CEP41: variants seen among roughly 807,000 people sequenced by gnomAD.
CEP41 encodes the protein centrosomal protein 41, also known as centrosomal protein of 41 kDa.
CEP41 carries 32 observed loss-of-function variants against 44.3 expected under a neutral mutation model. The ratio of observed to expected loss-of-function variants is 0.72; its 90% CI spans 0.54 to 0.97. The LOEUF (loss-of-function observed/expected upper bound fraction) is 0.97. CEP41 is among the 50% of genes least tolerant of loss of function. The pLI is 0.00. For synonymous variants in CEP41, 151 were observed against 168.5 expected, an observed-to-expected ratio of 0.90 and a Z score of 0.80; for missense variants, 432 against 455.2, an observed-to-expected ratio of 0.95 and a Z score of 0.46.
intron 1 of CEP41, among the ~76,000 whole-genome samples, chr7:130,439,780 GCCTGGACT>G (rs1475809916): frequency 2.2e-4 from 33 of 151,994 alleles, no homozygotes; most frequent in African/African-American, 7.5e-4. Context: ...GGCAGAGAAA[GCCTGGACT>G]CCTACAGGGG....
chr7:130,427,776 T>C (rs1363246436), intron 2 of CEP41, among the ~76,000 whole-genome samples, 179 bp downstream of exon 2: 1 of 152,212 alleles, frequency 6.6e-6, no homozygotes, highest in Admixed American at 6.5e-5. Flanking sequence ...TATGTAAATA[T>C]GAATTTTTAC....
At chr7:130,432,588 CAAAA>C (rs56874452) in intron 1 of CEP41, among the ~76,000 whole-genome samples, 9 of 59,944 alleles carry the variant, frequency 1.5e-4, no homozygotes, top group South Asian at 6.7e-4. Flanking sequence ...TTTGTTTCCA[CAAAA>C]AAAAAAAAAA....
At position 130,394,502 on chromosome 7, in the gene CEP41, T is replaced by C. The variant is rs1562971165; in HGVS notation, c.*4389A>G. The C allele has an allele frequency of 2.2e-6, 1 of 454,090 alleles. No individual in the cohort carries two copies. Among genetic ancestry groups the C allele is most frequent in the South Asian group, 1.6e-5 (1 of 64,474 alleles). 28.1% of individuals were successfully genotyped at this position (454,090 alleles called of 1,614,324 possible). The stretch of plus-strand genomic sequence containing the variant: ...TTAAGATGGGGGTGGTGTGTGACCT[T>C]TGCGTGCTGAATTTGGGAGGATACT... On this transcript the variant is annotated 3_prime_UTR_variant, in exon 11 of 11. Coordinates refer to ENST00000223208, the MANE Select transcript of CEP41 (RefSeq NM_018718.3).
At chr7:130,419,608 G>T (rs1554421668) in intron 2 of CEP41, 1 of 983,778 alleles carries the variant, frequency 1.0e-6, no homozygotes, top group African/African-American at 1.8e-5. Flanking sequence ...ACACATTACT[G>T]CCAGATACAT....
chr7:130,404,048 T>G (rs756386021), intron 6 of CEP41, among the ~76,000 whole-genome samples: 5 of 152,158 alleles, frequency 3.3e-5, no homozygotes, highest in Admixed American at 6.5e-5. Context: ...ATCCTTGGAA[T>G]AAGGAGGCCC....
intron 1 of CEP41, among the ~76,000 whole-genome samples, chr7:130,432,211 T>C (rs2117694279): frequency 6.6e-6 from 1 of 152,214 alleles, no homozygotes; most frequent in African/African-American, 2.4e-5. Context: ...TGAAAATCAG[T>C]TGAAAGGCTA....
intron 1 of CEP41, among the ~76,000 whole-genome samples, chr7:130,434,648 T>C (rs868935277): frequency 6.6e-6 from 1 of 152,204 alleles, no homozygotes; most frequent in African/African-American, 2.4e-5. Flanking sequence ...TTTATCAACA[T>C]AGATGGATCT....
At chr7:130,399,280 A>G in intron 10 of CEP41, 1 of 543,640 alleles carries the variant, frequency 1.8e-6, no homozygotes, top group East Asian at 3.3e-5. Context: ...TTCCTCTCCA[A>G]CATCCCCAAC....
At chr7:130,423,160 C>G (rs1158544263) in intron 2 of CEP41, among the ~76,000 whole-genome samples, 1 of 152,122 alleles carries the variant, frequency 6.6e-6, no homozygotes, top group Non-Finnish European at 1.5e-5. Context: ...ATTGCCCAGG[C>G]TAGTCTTGAA....
intron 3 of CEP41, 119 bp from the exon 4 acceptor site, chr7:130,412,359 T>C (rs1554420002): frequency 1.5e-6 from 1 of 653,444 alleles, no homozygotes; most frequent in African/African-American, 1.8e-5. Flanking sequence ...ATTATCTCAT[T>C]TGAGCCTCAT....
chr7:130,403,101 G>GC (rs1796904746), intron 6 of CEP41, among the ~76,000 whole-genome samples: 1 of 152,174 alleles, frequency 6.6e-6, no homozygotes, highest in African/African-American at 2.4e-5. Flanking sequence ...GCTGCCTCTA[G>GC]CCACAAGGGC....
intron 1 of CEP41, among the ~76,000 whole-genome samples, chr7:130,435,785 C>T (rs1554426020): frequency 1.3e-5 from 2 of 152,108 alleles, no homozygotes. Context: ...AGAGTTATAC[C>T]CAAATGTCAT....
intron 1 of CEP41, among the ~76,000 whole-genome samples, chr7:130,436,873 C>A (rs1224705112): frequency 6.6e-6 from 1 of 151,982 alleles, no homozygotes; most frequent in Non-Finnish European, 1.5e-5. Flanking sequence ...CCCGTCTCTA[C>A]TAAAAATACA....
chr7:130,440,923 C>T lies in CEP41; in HGVS notation c.33+11G>A, dbSNP rs1554427518. The stretch of plus-strand genomic sequence containing the variant: ...CCCCCTCCGGCTCTCCGGCCGAGAC[C>T]TGGCCCTCACCTCAGGGTTCCCAAT... On this transcript the variant is annotated intron_variant, in intron 1 of 10. Coordinates refer to ENST00000223208, the MANE Select transcript of CEP41 (RefSeq NM_018718.3). 8 of 1,611,632 alleles carry T rather than the reference C, an allele frequency of 5.0e-6. No homozygotes were observed. The highest frequency in any genetic ancestry group is 1.7e-5 in the Admixed American group (1 of 60,036).
chr7:130,421,133 G>C (rs185017913), intron 2 of CEP41: 1 of 985,312 alleles, frequency 1.0e-6, no homozygotes, highest in African/African-American at 1.7e-5. Flanking sequence ...TATAGCAACA[G>C]TGCTGTGCAA....
At chr7:130,428,914 A>AAAAAAAATAAATAAAT (rs1554424415) in intron 1 of CEP41, among the ~76,000 whole-genome samples, 1 of 150,536 alleles carries the variant, frequency 6.6e-6, no homozygotes, top group African/African-American at 2.4e-5. Flanking sequence ...CTGTCTCAAA[A>AAAAAAAATAAATAAAT]AAATAAATAA....
intron 1 of CEP41, among the ~76,000 whole-genome samples, chr7:130,439,666 G>T (rs975377788): frequency 1.1e-4 from 16 of 152,144 alleles, no homozygotes; most frequent in African/African-American, 3.1e-4. Flanking sequence ...CTCTTGCAGG[G>T]CTTAGACTCA....
At chr7:130,440,747 G>C (rs931739791) in intron 1 of CEP41, 187 bp downstream of exon 1, 20 of 661,088 alleles carry the variant, frequency 3.0e-5, no homozygotes, top group Non-Finnish European at 4.7e-5. Flanking sequence ...CCTCAAAACG[G>C]GGTCCTGAAC....
intron 5 of CEP41, 157 bp downstream of exon 5, chr7:130,410,965 A>G (rs1797164841): frequency 6.7e-6 from 5 of 742,952 alleles, no homozygotes; most frequent in South Asian, 1.5e-5. Context: ...ATTAACAACT[A>G]AAGTATCAGG....
Sources: gnomAD v4.1 joint callset for allele counts (sites outside exome capture counted in the v4.1 genomes callset) on GRCh38, gnomAD v4.1.1 for gene constraint, MANE v1.5 for transcripts, NCBI Gene and HGNC (gene_info 2026-07-23, HGNC 2026-07-21) for gene names.